Variants in FRMPD4 observed in about 807,000 individuals in gnomAD.
FRMPD4 encodes the protein FERM and PDZ domain-containing protein 4.
In FRMPD4, 22 loss-of-function variants were observed where a neutral mutation model predicts 94.1. The ratio of observed to expected loss-of-function variants is 0.23; its 90% CI spans 0.17 to 0.33. The LOEUF (loss-of-function observed/expected upper bound fraction) is 0.33, where lower values mean the gene tolerates loss of function less well. Among genes scored for constraint, FRMPD4 ranks in the 10% least tolerant of loss-of-function variants. The pLI is 1.00. For missense variants in FRMPD4, 1,111 were observed against 1,339.9 expected, an observed-to-expected ratio of 0.83 and a Z score of 2.67; for synonymous variants, 631 against 548.6, an observed-to-expected ratio of 1.15 and a Z score of -2.10.
At chrX:12,714,502 C>T (rs2042043392) in intron 14 of FRMPD4, among the ~76,000 whole-genome samples, 2 of 111,983 alleles carry the variant, frequency 1.8e-5, no homozygotes, top group Non-Finnish European at 3.8e-5. Flanking sequence ...AATAAGGTCA[C>T]ATTCACAGAG....
At chrX:12,157,767 A>G (rs1366834355) in intron 1 of FRMPD4, among the ~76,000 whole-genome samples, 1 of 112,512 alleles carries the variant, frequency 8.9e-6, no homozygotes, top group Non-Finnish European at 1.9e-5. Context: ...TAACCAGTAC[A>G]CAAATGGTTA....
At chrX:11,944,409 A>G (rs2054178135) in intron 3 of FRMPD4, among the ~76,000 whole-genome samples, 1 of 111,832 alleles carries the variant, frequency 8.9e-6, no homozygotes, top group African/African-American at 3.3e-5. Flanking sequence ...GCATCTTTTA[A>G]TCTTCATTTT....
intron 4 of FRMPD4, among the ~76,000 whole-genome samples, chrX:12,655,295 G>C (rs2059642098): frequency 8.9e-6 from 1 of 111,989 alleles, no homozygotes; most frequent in African/African-American, 3.2e-5. Flanking sequence ...TGACTGCTGT[G>C]ACGATTGTTC....
At chrX:11,843,632 G>A (rs1268318520) in intron 1 of FRMPD4, among the ~76,000 whole-genome samples, 3 of 109,433 alleles carry the variant, frequency 2.7e-5, no homozygotes, top group African/African-American at 3.3e-5. Flanking sequence ...AGTATAGTTC[G>A]CTGTAACCTT....
chrX:12,441,195 C>T lies in FRMPD4; in HGVS notation c.42-57485C>T, dbSNP rs140590334. 8.7e-3 allele frequency among the ~76,000 whole-genome samples: 975 copies of T among 111,927 alleles called. 7 individuals are homozygous for T. Among genetic ancestry groups the T allele is most frequent in the Middle Eastern group, 0.028 (6 of 218 alleles). On this transcript the variant is annotated intron_variant, in intron 1 of 16. Coordinates refer to ENST00000675598, the MANE Select transcript of FRMPD4 (RefSeq NM_001368397.1). The stretch of plus-strand genomic sequence containing the variant: ...TGCAGGACATCTCTTAGGGAAACTA[C>T]AGAGCATAATTTGGAAGTCCATGAA...
At chrX:12,114,521 C>T (rs971004054) in intron 3 of FRMPD4, among the ~76,000 whole-genome samples, 3 of 111,947 alleles carry the variant, frequency 2.7e-5, no homozygotes, top group Non-Finnish European at 5.6e-5. Flanking sequence ...TATTTTTAGT[C>T]ATTTTAAGTA....
At chrX:12,183,022 C>G (rs1367596107) in intron 1 of FRMPD4, among the ~76,000 whole-genome samples, 3 of 111,229 alleles carry the variant, frequency 2.7e-5, no homozygotes, top group Non-Finnish European at 5.7e-5. Flanking sequence ...GATTTGAAGT[C>G]TCGTCCTGCT....
intron 1 of FRMPD4, among the ~76,000 whole-genome samples, chrX:12,369,380 T>A (rs2056131601): frequency 9.0e-6 from 1 of 110,981 alleles, no homozygotes; most frequent in Non-Finnish European, 1.9e-5. Context: ...AACGCGGGCC[T>A]CCTTTTTGTC....
chrX:12,679,285 C>G (rs1291040595), intron 5 of FRMPD4, among the ~76,000 whole-genome samples: 3 of 111,482 alleles, frequency 2.7e-5, no homozygotes, highest in African/African-American at 6.6e-5. Context: ...AGAGGGGACA[C>G]AGGAGACATG....
At chrX:12,008,488 A>G (rs1437934598) in intron 3 of FRMPD4, among the ~76,000 whole-genome samples, 2 of 112,625 alleles carry the variant, frequency 1.8e-5, no homozygotes, top group Non-Finnish European at 3.7e-5. Flanking sequence ...TATTTTAAAC[A>G]CATTGTAATC....
At chrX:11,972,435 C>T (rs1231087670) in intron 3 of FRMPD4, among the ~76,000 whole-genome samples, 1 of 112,056 alleles carries the variant, frequency 8.9e-6, no homozygotes, top group Non-Finnish European at 1.9e-5. Context: ...GGAGGACTTT[C>T]CATTAGAATT....
intron 1 of FRMPD4, among the ~76,000 whole-genome samples, chrX:11,840,913 G>A (rs1200245285): frequency 1.8e-4 from 12 of 65,834 alleles, no homozygotes; most frequent in Middle Eastern, 9.8e-3. Flanking sequence ...CCCTACAACC[G>A]TCCCCAGAGT....
At chrX:12,231,030 G>GTATGTA (rs1555938221) in intron 1 of FRMPD4, among the ~76,000 whole-genome samples, 2 of 26,410 alleles carry the variant, frequency 7.6e-5, no homozygotes, top group Non-Finnish European at 1.5e-4. Flanking sequence ...TATATATATA[G>GTATGTA]TATATATATA....
At position 12,527,262 on chromosome X, in the gene FRMPD4, A is replaced by G. The variant is rs1210802294; in HGVS notation, c.158+28466A>G. ...GATTTTTCAATTGTTGGAGAATACA[A>G]TGTTAGTGGCATCTTTTTGGCTGAG... On this transcript the variant is annotated intron_variant, in intron 2 of 16. Transcript: ENST00000675598. Among the ~76,000 whole-genome samples the G allele has an allele frequency of 2.7e-5, 3 of 111,568 alleles. No individual in the cohort carries two copies. The East Asian group carries it at 8.4e-4, about 31-fold the overall frequency.
In FRMPD4 at chrX:12,716,089, C is replaced by T. The variant is rs2042073323; in HGVS notation, c.1630C>T (p.His544Tyr). ...TTTAGGACCTGAAAACAAGGGGAAG[C>T]ATAACCTCCTTGGCCCAGATTGGAA... ...QETGPENKGKHNLLGPDWNCI... is the reference protein window; with the variant it reads ...QETGPENKGKYNLLGPDWNCI... The change falls in exon 15 of 17, where the codon CAT (histidine) becomes TAT (tyrosine). Residue 544 changes from histidine (H) to tyrosine (Y), a missense_variant. Physicochemically the swap from His to Tyr is moderately conservative, Grantham distance 83. Coordinates refer to ENST00000675598, the MANE Select transcript of FRMPD4 (RefSeq NM_001368397.1). The T allele has an allele frequency of 8.8e-7, 1 of 1,135,709 alleles. No homozygotes were observed. 93.6% of individuals were successfully genotyped at this position (1,135,709 alleles called of 1,213,427 possible).
intron 3 of FRMPD4, among the ~76,000 whole-genome samples, chrX:12,024,772 A>C (rs765920176): frequency 4.5e-5 from 5 of 112,135 alleles, no homozygotes; most frequent in Non-Finnish European, 9.4e-5. Context: ...TTAGCTTTTA[A>C]GCTTTTAAGT....
intron 1 of FRMPD4, among the ~76,000 whole-genome samples, chrX:12,387,992 A>T (rs896751923): frequency 5.5e-5 from 6 of 109,110 alleles, no homozygotes; most frequent in Non-Finnish European, 1.1e-4. Flanking sequence ...AAAAAAAAAA[A>T]GTAGTATAGT....
intron 1 of FRMPD4, among the ~76,000 whole-genome samples, chrX:12,340,942 A>G (rs1248458724): frequency 1.8e-5 from 2 of 112,027 alleles, no homozygotes; most frequent in African/African-American, 6.5e-5. Flanking sequence ...AGCACGTTCT[A>G]CTGATAGCAT....
chrX:12,574,996 A>G (rs1049119405), intron 2 of FRMPD4, among the ~76,000 whole-genome samples: 1 of 111,814 alleles, frequency 8.9e-6, no homozygotes, highest in Non-Finnish European at 1.9e-5. Context: ...CAGCTTTTGT[A>G]TCAGTCTTCC....
Sources: allele counts gnomAD v4.1 joint callset (sites outside exome capture counted in the v4.1 genomes callset), GRCh38; gene constraint gnomAD v4.1.1; transcripts MANE v1.5; gene names NCBI Gene and HGNC (gene_info 2026-07-23, HGNC 2026-07-21).